The following PCDHGA3 variants were observed in gnomAD, a reference collection of about 807,000 sequenced individuals.
PCDHGA3 encodes the protein protocadherin gamma-A3.
PCDHGA3 carries 40 observed loss-of-function variants against 58.5 expected under a neutral mutation model. The ratio of observed to expected loss-of-function variants is 0.68; its 90% CI spans 0.53 to 0.89. The LOEUF (loss-of-function observed/expected upper bound fraction) is 0.89, where lower values mean the gene tolerates loss of function less well. PCDHGA3 is among the 40% of genes least tolerant of loss of function. The pLI, the probability that PCDHGA3 is intolerant of heterozygous loss-of-function variation, is 0.00. For missense variants in PCDHGA3, 1,223 were observed against 1,195.9 expected, an observed-to-expected ratio of 1.02 and a Z score of -0.33; for synonymous variants, 530 against 525.7, an observed-to-expected ratio of 1.01 and a Z score of -0.11.
intron 1 of PCDHGA3, chr5:141,355,776 A>T: frequency 6.2e-7 from 1 of 1,613,874 alleles, no homozygotes; most frequent in Non-Finnish European, 8.5e-7. Flanking sequence ...TTAAGTACCC[A>T]GAGCTGGTGC....
In PCDHGA3 at chr5:141,352,669, C is replaced by A. The variant is rs756977674; in HGVS notation, c.2424+6212C>A. The stretch of plus-strand genomic sequence containing the variant: ...CTTATGACCCTTCTTTGTCTTCGCA[C>A]GTGAGTTTCTGCAAATCTAGTTAAA... On this transcript the variant is annotated intron_variant, in intron 1 of 3. Transcript: ENST00000253812. 11 of 1,582,550 alleles carry A rather than the reference C, an allele frequency of 7.0e-6. No individual in the cohort carries two copies. The East Asian group carries it at 1.6e-4, about 23-fold the overall frequency.
intron 1 of PCDHGA3, chr5:141,350,198 G>A: frequency 7.0e-7 from 1 of 1,421,618 alleles, no homozygotes; most frequent in South Asian, 1.6e-5. Context: ...AGAAGTCCAG[G>A]GTGCTGCCAT....
rs371139792 is a variant in PCDHGA3 at position 141,490,160 on chromosome 5, C to A, written c.2425-4647C>A. On this transcript the variant is annotated intron_variant, in intron 1 of 3. Transcript: ENST00000253812. This position sits in a 1 kb window ranked among gnomAD's most constrained non-coding sequence, Gnocchi z 5.4. The stretch of plus-strand genomic sequence containing the variant: ...AGTGGGGCAATCCATGTGTTGGGTC[C>A]CATAGACTTTGAGGAGTCACGTTTC... The A allele has an allele frequency of 5.6e-6, 9 of 1,614,192 alleles. No homozygotes were observed. The highest frequency in any genetic ancestry group is 7.6e-6 in the Non-Finnish European group (9 of 1,180,016).
intron 1 of PCDHGA3, among the ~76,000 whole-genome samples, chr5:141,380,002 C>T (rs1238165554): frequency 6.9e-6 from 1 of 143,940 alleles, no homozygotes; most frequent in African/African-American, 2.6e-5. Flanking sequence ...TGGGTTCAAG[C>T]GATTCTCCTG....
chr5:141,374,104 T>A (rs200348921), intron 1 of PCDHGA3: 3 of 1,570,610 alleles, frequency 1.9e-6, no homozygotes, highest in Non-Finnish European at 8.6e-7. Context: ...CGCAGAGGCA[T>A]CCGCAGCGCA....
intron 1 of PCDHGA3, chr5:141,393,668 T>C (rs1048580916): frequency 6.2e-7 from 1 of 1,613,872 alleles, no homozygotes. Context: ...GGAAAATTAA[T>C]GAAAAACAAA....
At chr5:141,389,466 C>T (rs760000487) in intron 1 of PCDHGA3, 1 of 1,613,330 alleles carries the variant, frequency 6.2e-7, no homozygotes, top group East Asian at 2.2e-5. Flanking sequence ...CGCCTTCGAA[C>T]TCACACTGCA....
intron 1 of PCDHGA3, chr5:141,372,254 C>A (rs776276298): frequency 5.6e-6 from 9 of 1,612,978 alleles, no homozygotes; most frequent in Admixed American, 1.7e-5. Flanking sequence ...TCAGCCTGGG[C>A]CTGCGCACGG....
At chr5:141,448,887 G>T (rs1160586933) in intron 1 of PCDHGA3, among the ~76,000 whole-genome samples, 1 of 152,172 alleles carries the variant, frequency 6.6e-6, no homozygotes, top group East Asian at 1.9e-4. Flanking sequence ...GGAGCTTGCA[G>T]TGAGCCGAGA....
intron 1 of PCDHGA3, chr5:141,415,113 C>G: frequency 1.2e-6 from 2 of 1,613,642 alleles, no homozygotes; most frequent in Non-Finnish European, 1.7e-6. Context: ...AGCAAAGCCT[C>G]GTAGTGGCCG....
chr5:141,460,091 A>G (rs2098981847), intron 1 of PCDHGA3, among the ~76,000 whole-genome samples: 1 of 152,002 alleles, frequency 6.6e-6, no homozygotes, highest in Non-Finnish European at 1.5e-5. Flanking sequence ...AATAATAATT[A>G]TACATGTAAT....
chr5:141,408,636 C>T (rs1236637669), intron 1 of PCDHGA3: 2 of 1,614,024 alleles, frequency 1.2e-6, no homozygotes. Flanking sequence ...ATTTTCGAAT[C>T]TGCATCCGCT....
intron 1 of PCDHGA3, chr5:141,360,586 A>G (rs1761662791): frequency 6.2e-7 from 1 of 1,613,974 alleles, no homozygotes; most frequent in Admixed American, 1.7e-5. Flanking sequence ...GCCAGGTACA[A>G]CATTTCCACT....
intron 1 of PCDHGA3, chr5:141,410,014 G>C (rs1185262301): frequency 1.2e-6 from 2 of 1,613,296 alleles, no homozygotes. Context: ...ACGCCTGGCT[G>C]TCCTACCACG....
At chr5:141,347,642 C>T (rs557140762) in intron 1 of PCDHGA3, among the ~76,000 whole-genome samples, 15 of 152,128 alleles carry the variant, frequency 9.9e-5, no homozygotes, top group African/African-American at 3.6e-4. Flanking sequence ...CAAAAATTAG[C>T]TGGGCATGGT....
chr5:141,423,551 A>T, intron 1 of PCDHGA3: 2 of 1,613,616 alleles, frequency 1.2e-6, no homozygotes, highest in Non-Finnish European at 1.7e-6. Context: ...CCCCAGCCCA[A>T]CTATGGGGAC....
At chr5:141,460,455 A>G (rs1021070289) in intron 1 of PCDHGA3, among the ~76,000 whole-genome samples, 2 of 152,080 alleles carry the variant, frequency 1.3e-5, no homozygotes, top group African/African-American at 4.8e-5. Context: ...GAAGATTCAT[A>G]TTTTTTTCCA....
At chr5:141,357,607 G>T in intron 1 of PCDHGA3, 2 of 1,613,950 alleles carry the variant, frequency 1.2e-6, no homozygotes, top group Non-Finnish European at 1.7e-6. Context: ...AACAAAAGGA[G>T]ACCCTAATCT....
At chr5:141,409,723 G>T (rs781363259) in intron 1 of PCDHGA3, 1 of 1,613,154 alleles carries the variant, frequency 6.2e-7, no homozygotes, top group Non-Finnish European at 8.5e-7. Flanking sequence ...ACGTGTCAGT[G>T]AGCGCGCAGA....
Sources: allele counts gnomAD v4.1 joint callset (sites outside exome capture counted in the v4.1 genomes callset), GRCh38; gene constraint gnomAD v4.1.1; non-coding constraint Gnocchi (gnomAD v3.1); transcripts MANE v1.5; gene names NCBI Gene and HGNC (gene_info 2026-07-23, HGNC 2026-07-21).